CD302: variants seen among roughly 807,000 people sequenced by gnomAD.
CD302 encodes the protein CD302 molecule.
Under a neutral mutation model 26.5 loss-of-function variants are expected in CD302, and 23 were observed. The observed-to-expected ratio is 0.87, with a 90% CI of 0.62 to 1.23. The LOEUF (loss-of-function observed/expected upper bound fraction) is 1.23. CD302 is among the 50% of genes most tolerant of loss of function. CD302 has a pLI of 0.00. For synonymous variants in CD302, 90 were observed against 99.4 expected (o/e 0.91, Z 0.56); for missense variants, 290 against 275.5 (o/e 1.05, Z -0.37).
In CD302 at chr2:159,769,023, A is replaced by T. The variant is rs1366442013; in HGVS notation, c.*2828T>A. On this transcript the variant is annotated 3_prime_UTR_variant, in exon 6 of 6. Transcript: ENST00000259053. ...TTCCCTAGTACCACTTAGTATTTAA[A>T]TATTGTCATATTAGCTTCAGATTAT... The T allele has an allele frequency of 6.6e-6, 1 of 152,214 alleles. No homozygotes were observed. Among genetic ancestry groups the T allele is most frequent in the Non-Finnish European group, 1.5e-5 (1 of 68,026 alleles). The allele number at this position is 152,214 out of a possible 1,614,324, so 9.4% of individuals were successfully genotyped here.
chr2:159,797,507 C>T (rs1172498931), intron 1 of CD302, among the ~76,000 whole-genome samples: 1 of 152,236 alleles, frequency 6.6e-6, no homozygotes, highest in Admixed American at 6.5e-5. Context: ...TCAGATGTCA[C>T]TTGCACAACA....
chr2:159,777,661 T>A (rs1478541381), intron 5 of CD302, among the ~76,000 whole-genome samples: 2 of 152,014 alleles, frequency 1.3e-5, no homozygotes, highest in East Asian at 1.9e-4. Flanking sequence ...ATTTATAAAG[T>A]ATTATGACAC....
chr2:159,786,133 G>GGACTAAGCCTTATTA (rs752350405), intron 1 of CD302, among the ~76,000 whole-genome samples: 63 of 151,954 alleles, frequency 4.1e-4, no homozygotes, highest in Admixed American at 6.6e-4. Context: ...CTAAAAATAG[G>GGACTAAGCCTTATTA]GACTAAGCCT....
intron 1 of CD302, among the ~76,000 whole-genome samples, chr2:159,794,307 A>AAATAATAAT (rs1553795860): frequency 0.019 from 1,056 of 56,654 alleles, 7 homozygotes; most frequent in Non-Finnish European, 0.03. Context: ...TAAAATAATA[A>AAATAATAAT]AAAAAAAAAC....
At position 159,790,213 on chromosome 2, in the gene CD302, G is replaced by T. The variant is rs915868559; in HGVS notation, c.68-6744C>A. Among the ~76,000 whole-genome samples the T allele has an allele frequency of 2.0e-5, 3 of 152,190 alleles. No individual in the cohort carries two copies. In the East Asian group the frequency reaches 5.8e-4, roughly 29 times the overall value. ...AAGTGGTCAGTCTGATGGAAGAGTC[G>T]GACAGACAAACAGATATTCCGAAGG... On this transcript the variant is annotated intron_variant, in intron 1 of 5. Coordinates refer to ENST00000259053, the MANE Select transcript of CD302 (RefSeq NM_014880.5).
chr2:159,783,620 T>C (rs768680575), intron 1 of CD302, 151 bp from the exon 2 acceptor site: 2 of 554,342 alleles, frequency 3.6e-6, no homozygotes, highest in Non-Finnish European at 5.9e-6. Flanking sequence ...AATCAACCAG[T>C]GTAACAGGAA....
At chr2:159,780,238 A>C in intron 3 of CD302, 60 bp from the exon 4 acceptor site, 3 of 1,571,658 alleles carry the variant, frequency 1.9e-6, no homozygotes, top group Non-Finnish European at 2.6e-6. Context: ...CAAGCCAAAA[A>C]GGGTGTAGGA....
intron 2 of CD302, among the ~76,000 whole-genome samples, chr2:159,782,285 C>T (rs1477786420): frequency 3.3e-5 from 5 of 151,602 alleles, no homozygotes; most frequent in Non-Finnish European, 4.4e-5. Flanking sequence ...TATTGGTGGG[C>T]GCTGGTAATC....
Position 159,770,372 on chromosome 2 carries a change from C to T in CD302, c.*1479G>A, listed in dbSNP as rs886943936. ...ATGTAGCCGCACTGTTAATAGTTTT[C>T]TATCACTTTTTAGTTACTCATGTCT... On this transcript the variant is annotated 3_prime_UTR_variant, in exon 6 of 6. Coordinates refer to ENST00000259053, the MANE Select transcript of CD302 (RefSeq NM_014880.5). 6.6e-6 allele frequency: 1 copy of T among 151,110 alleles called. No individual in the cohort carries two copies. Among genetic ancestry groups the T allele is most frequent in the African/African-American group, 2.5e-5 (1 of 40,432 alleles). 9.4% of individuals were successfully genotyped at this position (151,110 alleles called of 1,614,324 possible).
chr2:159,786,714 T>C (rs1708676076), intron 1 of CD302, among the ~76,000 whole-genome samples: 1 of 152,206 alleles, frequency 6.6e-6, no homozygotes, highest in African/African-American at 2.4e-5. Context: ...TTTTAAAAAC[T>C]AAACTTTTTA....
At chr2:159,787,590 A>G (rs1391752993) in intron 1 of CD302, among the ~76,000 whole-genome samples, 2 of 152,174 alleles carry the variant, frequency 1.3e-5, no homozygotes, top group African/African-American at 4.8e-5. Flanking sequence ...CTAGAAACAT[A>G]CAATATTTTA....
intron 1 of CD302, among the ~76,000 whole-genome samples, chr2:159,786,187 A>G (rs1708658989): frequency 6.6e-6 from 1 of 152,178 alleles, no homozygotes; most frequent in Non-Finnish European, 1.5e-5. Flanking sequence ...CTCTTGGATT[A>G]TAATAGGGAC....
At chr2:159,782,414 C>CAAAAAAA (rs72068957) in intron 2 of CD302, among the ~76,000 whole-genome samples, 2 of 70,714 alleles carry the variant, frequency 2.8e-5, no homozygotes, top group Non-Finnish European at 2.5e-5. Context: ...CTCCATCTCA[C>CAAAAAAA]AAAAAAAAAA....
intron 1 of CD302, among the ~76,000 whole-genome samples, chr2:159,791,415 A>G (rs532380020): frequency 3.9e-5 from 6 of 152,222 alleles, no homozygotes; most frequent in Admixed American, 6.5e-5. Flanking sequence ...AATATGGCAC[A>G]AATCATAAGA....
intron 2 of CD302, chr2:159,781,616 G>C (rs543401175): frequency 6.7e-6 from 1 of 148,470 alleles, no homozygotes; most frequent in South Asian, 2.2e-4. Context: ...AGAAAGAAAA[G>C]AGGAAGAAGA....
intron 1 of CD302, 119 bp downstream of exon 1, chr2:159,798,013 G>T (rs2556106): frequency 0.85 from 814,918 of 953,620 alleles, 350,737 homozygotes; most frequent in Non-Finnish European, 0.88. Flanking sequence ...GGGCGGGATG[G>T]CCGGCCGGGT....
intron 4 of CD302, among the ~76,000 whole-genome samples, chr2:159,779,471 T>C (rs1229050653): frequency 6.6e-6 from 1 of 151,990 alleles, no homozygotes; most frequent in African/African-American, 2.4e-5. Flanking sequence ...GAACAAGAAA[T>C]TTTTGACCTC....
chr2:159,795,230 A>G (rs531719040), intron 1 of CD302, among the ~76,000 whole-genome samples: 2 of 152,174 alleles, frequency 1.3e-5, no homozygotes, highest in Non-Finnish European at 2.9e-5. Flanking sequence ...CTCGGAAAAA[A>G]AAAAAAAGAA....
chr2:159,792,361 C>T (rs562350551), intron 1 of CD302, among the ~76,000 whole-genome samples: 1 of 151,598 alleles, frequency 6.6e-6, no homozygotes, highest in Admixed American at 6.6e-5. Context: ...TGTCTTATTT[C>T]CATACTATCT....
Sources: allele counts gnomAD v4.1 joint callset (sites outside exome capture counted in the v4.1 genomes callset), GRCh38; gene constraint gnomAD v4.1.1; transcripts MANE v1.5; gene names NCBI Gene and HGNC (gene_info 2026-07-23, HGNC 2026-07-21).